CUTA: variants seen among roughly 807,000 people sequenced by gnomAD.
CUTA encodes the protein cutA divalent cation tolerance homolog, also known as protein CutA.
A neutral mutation model predicts 20.7 loss-of-function variants in CUTA; 21 were observed. The observed-to-expected ratio is 1.01, with a 90% CI of 0.72 to 1.46. CUTA has a LOEUF of 1.46. CUTA is among the 40% of genes most tolerant of loss of function. The pLI is 0.00. For missense variants in CUTA, 231 were observed against 226.8 expected (o/e 1.02, Z -0.12); for synonymous variants, 99 against 97.9 (o/e 1.01, Z -0.07).
chr6:33,417,992 C>G lies in CUTA; in HGVS notation c.9G>C (p.Gly3=). 1 of 1,612,922 alleles carries G rather than the reference C, an allele frequency of 6.2e-7. No homozygotes were observed. The highest frequency in any genetic ancestry group is 8.5e-7 in the Non-Finnish European group (1 of 1,179,422). Residue 3 remains glycine (G), a synonymous_variant, in exon 1 of 6, where the codon GGG becomes GGC. Coordinates refer to ENST00000488034, the MANE Select transcript of CUTA (RefSeq NM_001014840.2). ...CGAGCAGGACCGCGGGAGCCCGCCC[C>G]CCACTCATGCGGCCTACGCTGGTAC... MS[G]GRAPAVLLGG...
intron 1 of CUTA, 40 bp from the exon 2 acceptor site, chr6:33,417,735 G>T: frequency 6.3e-7 from 1 of 1,579,850 alleles, no homozygotes; most frequent in Non-Finnish European, 8.6e-7. Context: ...CTCACAAACA[G>T]CCCAGGAAAT....
At position 33,416,526 on chromosome 6, in the gene CUTA, C is replaced by CA. The variant is rs1174329901; in HGVS notation, c.*123dup. 2.8e-5 allele frequency: 20 copies of CA among 708,824 alleles called. No homozygotes were observed. The highest frequency in any genetic ancestry group is 4.6e-5 in the Non-Finnish European group (18 of 389,190). 43.9% of individuals were successfully genotyped at this position (708,824 alleles called of 1,614,324 possible). A position where few individuals can be genotyped will look rare whatever the true frequency, so the allele number is the denominator to read the frequency against. ...TCTCCCAACAAATTTGCATACATGA[C>CA]AAAAAACAGGCAAAAGGCAGAGAGA... On this transcript the variant is annotated 3_prime_UTR_variant, in exon 6 of 6. Coordinates refer to ENST00000488034, the MANE Select transcript of CUTA (RefSeq NM_001014840.2).
rs777766421 is a variant in CUTA, at chr6:33,417,538, G to C, written c.200C>G (p.Ser67Trp). 51 of 1,614,042 alleles carry C rather than the reference G, an allele frequency of 3.2e-5. No individual in the cohort carries two copies. The highest frequency in any genetic ancestry group is 3.3e-5 in the Non-Finnish European group (39 of 1,180,054). Residue 67 changes from serine to tryptophan, a missense_variant, in exon 2 of 6, where the codon TCG (serine) becomes TGG (tryptophan). Physicochemically the swap from Ser to Trp is radical, Grantham distance 177 (BLOSUM62 -3). Coordinates refer to ENST00000488034, the MANE Select transcript of CUTA (RefSeq NM_001014840.2). ...SDSGSGYVPG[S>W]VSAAFVTCPN... ...GCAAGTAACAAAGGCTGCAGAGACC[G>C]AGCCCGGAACGTAGCCAGAGCCGGA...
chr6:33,417,433 A>G (rs1194133711), intron 2 of CUTA, 48 bp downstream of exon 2: 2 of 1,612,104 alleles, frequency 1.2e-6, no homozygotes. Flanking sequence ...CCCACCCCCA[A>G]CTGTCCCTTC....
Position 33,416,551 on chromosome 6 carries a change from A to G in CUTA, c.*99T>C. The stretch of plus-strand genomic sequence containing the variant: ...CAAAAAACAGGCAAAAGGCAGAGAG[A>G]CCCAAAGACGGGATTTATTGGGGGC... On this transcript the variant is annotated 3_prime_UTR_variant, in exon 6 of 6. Transcript: ENST00000488034. 1 of 777,482 alleles carries G rather than the reference A, an allele frequency of 1.3e-6. No homozygotes were observed. The highest frequency in any genetic ancestry group is 1.5e-5 in the South Asian group (1 of 68,724). 48.2% of individuals were successfully genotyped at this position (777,482 alleles called of 1,614,324 possible).
chr6:33,416,825 A>G, intron 5 of CUTA, 49 bp from the exon 6 acceptor site: 1 of 1,607,984 alleles, frequency 6.2e-7, no homozygotes, highest in East Asian at 2.2e-5. Context: ...GATTTACCCA[A>G]AAGAACCCAC....
intron 1 of CUTA, 115 bp downstream of exon 1, chr6:33,417,844 T>C (rs754935853): frequency 2.0e-5 from 31 of 1,546,104 alleles, no homozygotes; most frequent in Middle Eastern, 1.7e-4. Flanking sequence ...ACTTGGAAAA[T>C]AAAGCAAAAG....
At position 33,417,822 on chromosome 6, in the gene CUTA, G is replaced by A. The variant is rs1287170156; in HGVS notation, c.43-127C>T. Reference sequence around the variant, plus strand: ...TGCACCCCCGAAGAATGCCCCTGAAGGTGAGAGAGAAACTTGGAAAATAAA... The same window carrying A: ...TGCACCCCCGAAGAATGCCCCTGAAAGTGAGAGAGAAACTTGGAAAATAAA... On this transcript the variant is annotated intron_variant, in intron 1 of 5. Transcript: ENST00000488034. 8 of 1,544,106 alleles carry A rather than the reference G, an allele frequency of 5.2e-6. No homozygotes were observed. In the South Asian group the frequency reaches 9.4e-5, roughly 18 times the overall value.
chr6:33,417,910 G>A (rs1213183548), intron 1 of CUTA, 49 bp downstream of exon 1: 7 of 1,589,968 alleles, frequency 4.4e-6, no homozygotes, highest in African/African-American at 1.3e-5. Flanking sequence ...TGCGGGTAGC[G>A]GTCGAGGCTT....
At position 33,416,575 on chromosome 6, in the gene CUTA, G is replaced by T; in HGVS notation, c.*75C>A. The T allele has an allele frequency of 2.3e-6, 2 of 885,386 alleles. No individual in the cohort carries two copies. The highest frequency in any genetic ancestry group is 3.8e-6 in the Non-Finnish European group (2 of 523,006). The allele number at this position is 885,386 out of a possible 1,614,324, so 54.8% of individuals were successfully genotyped here. A position where few individuals can be genotyped will look rare whatever the true frequency, so the allele number is the denominator to read the frequency against. The stretch of plus-strand genomic sequence containing the variant: ...GACCCAAAGACGGGATTTATTGGGG[G>T]CCCAGTCATCACCTGGAAGTCAGAA... On this transcript the variant is annotated 3_prime_UTR_variant, in exon 6 of 6. Transcript: ENST00000488034.
Position 33,417,488 on chromosome 6 carries a change from T to C in CUTA, c.250A>G (p.Ile84Val). The part of the protein sequence containing the change: ...TCPNEKVAKE[I>V]ARAVVEKRLA... ...GCACATCGAGGTCCCTACCTGGCGATCTCCTTGGCGACCTTCTCGTTGGGG... is the reference window on the plus strand; with the variant it reads ...GCACATCGAGGTCCCTACCTGGCGACCTCCTTGGCGACCTTCTCGTTGGGG... The change falls in exon 2 of 6, where the codon ATC (isoleucine) becomes GTC (valine). Residue 84 changes from isoleucine to valine, a missense_variant. By Grantham distance (29) the Ile-to-Val change is conservative. Coordinates refer to ENST00000488034, the MANE Select transcript of CUTA (RefSeq NM_001014840.2). 6.2e-7 allele frequency: 1 copy of C among 1,613,994 alleles called. No individual in the cohort carries two copies. The highest frequency in any genetic ancestry group is 8.5e-7 in the Non-Finnish European group (1 of 1,179,964).
rs1176406946 is a variant in CUTA at position 33,417,540 on chromosome 6, G to T, written c.198C>A (p.Gly66=). 1.2e-6 allele frequency: 2 copies of T among 1,614,068 alleles called. No individual in the cohort carries two copies. Among genetic ancestry groups the T allele is most frequent in the African/African-American group, 2.7e-5 (2 of 74,926 alleles). Residue 66 remains glycine, a synonymous_variant, in exon 2 of 6, where the codon GGC becomes GGA. Coordinates refer to ENST00000488034, the MANE Select transcript of CUTA (RefSeq NM_001014840.2). ...AAGTAACAAAGGCTGCAGAGACCGA[G>T]CCCGGAACGTAGCCAGAGCCGGAAT... ...ASDSGSGYVP[G]SVSAAFVTCP... is the part of the protein sequence containing the mutation.
rs754996081 is a variant in CUTA at position 33,417,297 on chromosome 6, TCTC to T, written c.268_270del (p.Glu90del). On this transcript the variant is annotated inframe_deletion, in exon 3 of 6. Transcript: ENST00000488034. ...AGGTTGACGCAGGCTGCTAGGCGCT[TCTC>T]CACCACGGCCCTGGAGTGAAGAGAC... 1.9e-6 allele frequency: 3 copies of T among 1,614,126 alleles called. No homozygotes were observed. Among genetic ancestry groups the T allele is most frequent in the Non-Finnish European group, 1.7e-6 (2 of 1,180,018 alleles).
intron 1 of CUTA, 51 bp from the exon 2 acceptor site, chr6:33,417,746 T>G: frequency 3.2e-6 from 5 of 1,567,818 alleles, no homozygotes; most frequent in Non-Finnish European, 4.3e-6. Flanking sequence ...CCCAGGAAAT[T>G]ACACCCGGGG....
chr6:33,417,922 G>C (rs1158748414), intron 1 of CUTA, 37 bp downstream of exon 1: 2 of 1,597,398 alleles, frequency 1.3e-6, no homozygotes, highest in East Asian at 2.3e-5. Context: ...TCGAGGCTTC[G>C]AGGACCGGAA....
rs11543059 is a variant in CUTA, at chr6:33,417,549, G to C, written c.189C>G (p.Tyr63Ter). The change falls in exon 2 of 6, where the codon TAC becomes TAG. Residue 63 changes from tyrosine (Y) to a stop codon, truncating the protein, a stop_gained. Transcript: ENST00000488034. LOFTEE classifies it high-confidence loss of function. ...AGGCTGCAGAGACCGAGCCCGGAAC[G>C]TAGCCAGAGCCGGAATCCGAGGCCG... ...PSPASDSGSG[Y>*]VPGSVSAAFV... 1 of 1,614,158 alleles carries C rather than the reference G, an allele frequency of 6.2e-7. No homozygotes were observed. Among genetic ancestry groups the C allele is most frequent in the Non-Finnish European group, 8.5e-7 (1 of 1,180,050 alleles).
chr6:33,417,684 G>A lies in CUTA; in HGVS notation c.54C>T (p.Leu18=), dbSNP rs770277456. 2 of 1,607,694 alleles carry A rather than the reference G, an allele frequency of 1.2e-6. No homozygotes were observed. The highest frequency in any genetic ancestry group is 3.4e-5 in the Admixed American group (2 of 59,560). ...AVLLGGVASL[L]LSFVWMPALL... ...GCGCCGGCATCCAAACAAAAGACAG[G>A]AGCAGAGAGGCCTGAGAGCAGGAGG... Residue 18 remains leucine, a synonymous_variant, in exon 2 of 6, where the codon CTC becomes CTT. Transcript: ENST00000488034.
Position 33,416,642 on chromosome 6 carries a change from A to T in CUTA, c.*8T>A. 6.9e-7 allele frequency: 1 copy of T among 1,452,976 alleles called. No homozygotes were observed. The highest frequency in any genetic ancestry group is 1.1e-5 in the South Asian group (1 of 87,932). The allele number at this position is 1,452,976 out of a possible 1,614,324, so 90.0% of individuals were successfully genotyped here. A position where few individuals can be genotyped will look rare whatever the true frequency, so the allele number is the denominator to read the frequency against. ...GGGGATCTTCATGATGAGCAGGAACAGGGCTCATCATGGCAGGACTGTGAT... is the reference window on the plus strand; with the variant it reads ...GGGGATCTTCATGATGAGCAGGAACTGGGCTCATCATGGCAGGACTGTGAT... On this transcript the variant is annotated 3_prime_UTR_variant, in exon 6 of 6. Coordinates refer to ENST00000488034, the MANE Select transcript of CUTA (RefSeq NM_001014840.2).
Position 33,418,020 on chromosome 6 carries a change from G to C in CUTA, c.-20C>G. ...ACTCATGCGGCCTACGCTGGTACAG[G>C]AGAGTTGATCTCAAAGGCCACACGT... On this transcript the variant is annotated 5_prime_UTR_variant, in exon 1 of 6. Coordinates refer to ENST00000488034, the MANE Select transcript of CUTA (RefSeq NM_001014840.2). This position sits in a 1 kb window ranked among gnomAD's most constrained non-coding sequence, Gnocchi z 5.7. 6.2e-7 allele frequency: 1 copy of C among 1,614,056 alleles called. No homozygotes were observed. The highest frequency in any genetic ancestry group is 8.5e-7 in the Non-Finnish European group (1 of 1,179,948).
Sources: gnomAD v4.1 joint callset for allele counts on GRCh38, gnomAD v4.1.1 for gene constraint, Gnocchi (gnomAD v3.1) non-coding constraint, MANE v1.5 for transcripts, NCBI Gene and HGNC (gene_info 2026-07-23, HGNC 2026-07-21) for gene names.